The following ZNF835 variants were observed in gnomAD, a reference collection of about 807,000 sequenced individuals.
ZNF835 encodes zinc finger protein 835.
For synonymous variants in ZNF835, 323 were observed against 324.7 expected (o/e 0.99, Z 0.06); for missense variants, 783 against 758.4 (o/e 1.03, Z -0.38).
In ZNF835 at chr19:56,663,935, C is replaced by G; in HGVS notation, c.1264G>C (p.Glu422Gln). ...CCCTGGCTGAAAGCTTTGCCGCACT[C>G]GCCGCACTTGTAGGGCCGCTCTCCG... The part of the protein sequence containing the change: ...HTGERPYKCG[E>Q]CGKAFSQGSS... Residue 422 changes from glutamate to glutamine, a missense_variant, in exon 2 of 2, where the codon GAG (glutamate) becomes CAG (glutamine). Glu to Gln is a conservative substitution (Grantham distance 29). Coordinates refer to ENST00000537055, the MANE Select transcript of ZNF835 (RefSeq NM_001005850.3). 1.2e-6 allele frequency: 2 copies of G among 1,610,074 alleles called. No individual in the cohort carries two copies. Among genetic ancestry groups the G allele is most frequent in the South Asian group, 1.1e-5 (1 of 90,916 alleles).
At chr19:56,671,146 G>A (rs1013331828) in intron 1 of ZNF835, among the ~76,000 whole-genome samples, 3 of 151,298 alleles carry the variant, frequency 2.0e-5, no homozygotes, top group Non-Finnish European at 4.4e-5. Context: ...GGCTGGCACC[G>A]CCAAGTGAGC....
In ZNF835 at chr19:56,664,673, T is replaced by C; in HGVS notation, c.526A>G (p.Ser176Gly). The C allele has an allele frequency of 6.2e-7, 1 of 1,611,434 alleles. No homozygotes were observed. ...YACHECGKAF[S>G]QGSYLASHWR... ...TGGGACGCCAGGTACGAGCCCTGGCTGAAGGCCTTGCCGCACTCGTGGCAG... is the reference window on the plus strand; with the variant it reads ...TGGGACGCCAGGTACGAGCCCTGGCCGAAGGCCTTGCCGCACTCGTGGCAG... Residue 176 changes from serine to glycine, a missense_variant, in exon 2 of 2, where the codon AGC becomes GGC. By Grantham distance (56) the Ser-to-Gly change is moderately conservative. Coordinates refer to ENST00000537055, the MANE Select transcript of ZNF835 (RefSeq NM_001005850.3).
Position 56,665,244 on chromosome 19 carries a change from G to T in ZNF835, c.-46C>A. 6.2e-7 allele frequency: 1 copy of T among 1,602,802 alleles called. No individual in the cohort carries two copies. The highest frequency in any genetic ancestry group is 8.5e-7 in the Non-Finnish European group (1 of 1,176,098). ...TCTTGATCTCACATCTTTTCTCTGG[G>T]TCTGAAAAGAAAAAGATAGAAAAAA... On this transcript the variant is annotated splice_region_variant and 5_prime_UTR_variant, in exon 2 of 2. Transcript: ENST00000537055.
At position 56,665,004 on chromosome 19, in the gene ZNF835, C is replaced by T; in HGVS notation, c.195G>A (p.Ser65=). The change falls in exon 2 of 2, where the codon TCG becomes TCA. Residue 65 remains serine (S), a synonymous_variant. Coordinates refer to ENST00000537055, the MANE Select transcript of ZNF835 (RefSeq NM_001005850.3). ...CACTGGCTTGGGTAGCAGCAGGGCT[C>T]GATATGGTTCTTGGGATTCGGCTGA... ...DEFSRIPRTI[S]SPAATQASVP... The T allele has an allele frequency of 1.2e-6, 2 of 1,614,016 alleles. No individual in the cohort carries two copies. Among genetic ancestry groups the T allele is most frequent in the African/African-American group, 1.3e-5 (1 of 75,058 alleles).
chr19:56,664,406 G>A lies in ZNF835; in HGVS notation c.793C>T (p.Leu265Phe). ...CAKAFRFSSA[L>F]IRHQRIHTEE... is the part of the protein sequence containing the mutation. ...GTGTGGATGCGCTGGTGGCGGATGA[G>A]CGCTGAGGAGAAGCGGAAGGCCTTG... Residue 265 changes from leucine to phenylalanine, a missense_variant, in exon 2 of 2, where the codon CTC (leucine) becomes TTC (phenylalanine). Physicochemically the swap from Leu to Phe is conservative, Grantham distance 22. Coordinates refer to ENST00000537055, the MANE Select transcript of ZNF835 (RefSeq NM_001005850.3). 1 of 1,612,168 alleles carries A rather than the reference G, an allele frequency of 6.2e-7. No individual in the cohort carries two copies. Among genetic ancestry groups the A allele is most frequent in the Non-Finnish European group, 8.5e-7 (1 of 1,179,232 alleles).
chr19:56,670,295 A>T (rs1434084165), intron 1 of ZNF835, among the ~76,000 whole-genome samples: 1 of 152,106 alleles, frequency 6.6e-6, no homozygotes, highest in Admixed American at 6.5e-5. Context: ...GATTAAACAT[A>T]TATTTCTTAT....
chr19:56,665,089 G>A lies in ZNF835; in HGVS notation c.110C>T (p.Pro37Leu). ...LQENQESCPE[P>L]EAVACKGDPA... ...GTCTCCCTTGCAGGCCACGGCCTCTGGCTCTGGACAGCTTTCCTGGTTTTC... is the reference window on the plus strand; with the variant it reads ...GTCTCCCTTGCAGGCCACGGCCTCTAGCTCTGGACAGCTTTCCTGGTTTTC... The change falls in exon 2 of 2, where the codon CCA (proline) becomes CTA (leucine). Residue 37 changes from proline (P) to leucine (L), a missense_variant. By Grantham distance (98) the Pro-to-Leu change is moderately conservative. Coordinates refer to ENST00000537055, the MANE Select transcript of ZNF835 (RefSeq NM_001005850.3). 1.2e-6 allele frequency: 2 copies of A among 1,613,922 alleles called. No individual in the cohort carries two copies. The highest frequency in any genetic ancestry group is 1.6e-4 in the Middle Eastern group (1 of 6,062).
intron 1 of ZNF835, among the ~76,000 whole-genome samples, chr19:56,667,117 T>C (rs111306511): frequency 6.6e-6 from 1 of 152,322 alleles, no homozygotes; most frequent in South Asian, 2.1e-4. Flanking sequence ...TGTTTTTATA[T>C]GAGCCCAGGA....
In ZNF835 at chr19:56,664,410, TGAG is replaced by T; in HGVS notation, c.786_788del (p.Ser263del). 1 of 1,601,216 alleles carries T rather than the reference TGAG, an allele frequency of 6.2e-7. No homozygotes were observed. The highest frequency in any genetic ancestry group is 8.5e-7 in the Non-Finnish European group (1 of 1,175,746). ...GGATGCGCTGGTGGCGGATGAGCGC[TGAG>T]GAGAAGCGGAAGGCCTTGGCGCACG... On this transcript the variant is annotated inframe_deletion, in exon 2 of 2. Coordinates refer to ENST00000537055, the MANE Select transcript of ZNF835 (RefSeq NM_001005850.3).
In ZNF835 at chr19:56,671,756, A is replaced by C. The variant is rs895746879; in HGVS notation, c.-228T>G. Reference sequence around the variant, plus strand: ...GCTGCTGCGGAGGAGCCCGCGCACCAGGCCGGGGTGGACTGCGCCTGCGCA... The same window carrying C: ...GCTGCTGCGGAGGAGCCCGCGCACCCGGCCGGGGTGGACTGCGCCTGCGCA... On this transcript the variant is annotated 5_prime_UTR_variant, in exon 1 of 2. Transcript: ENST00000537055. The C allele has an allele frequency of 6.6e-6, 1 of 152,278 alleles. No homozygotes were observed. Among genetic ancestry groups the C allele is most frequent in the African/African-American group, 2.4e-5 (1 of 41,464 alleles). The allele number at this position is 152,278 out of a possible 1,614,324, so 9.4% of individuals were successfully genotyped here.
chr19:56,666,950 C>G (rs911714165), intron 1 of ZNF835, among the ~76,000 whole-genome samples: 1 of 152,200 alleles, frequency 6.6e-6, no homozygotes, highest in African/African-American at 2.4e-5. Context: ...ACTATGCTCC[C>G]CTTCTACAGG....
chr19:56,663,312 C>A lies in ZNF835; in HGVS notation c.*273G>T. 2.0e-6 allele frequency: 1 copy of A among 507,678 alleles called. No individual in the cohort carries two copies. 31.4% of individuals were successfully genotyped at this position (507,678 alleles called of 1,614,324 possible). On this transcript the variant is annotated 3_prime_UTR_variant, in exon 2 of 2. Coordinates refer to ENST00000537055, the MANE Select transcript of ZNF835 (RefSeq NM_001005850.3). The stretch of plus-strand genomic sequence containing the variant: ...CTAGCCTGGGTGACAGAGAGAGACA[C>A]TGTCTCAAAGAAAAAAAGAAAGAAA...
At chr19:56,671,204 C>T (rs951516670) in intron 1 of ZNF835, among the ~76,000 whole-genome samples, 39 of 151,600 alleles carry the variant, frequency 2.6e-4, no homozygotes, top group African/African-American at 8.9e-4. Flanking sequence ...GGCAGTCACA[C>T]ACCTGCACCT....
chr19:56,667,001 A>G (rs1458669167), intron 1 of ZNF835, among the ~76,000 whole-genome samples: 1 of 152,214 alleles, frequency 6.6e-6, no homozygotes, highest in African/African-American at 2.4e-5. Context: ...TCCCAGGCTC[A>G]GAGGTTCATG....
In ZNF835 at chr19:56,664,608, G is replaced by A; in HGVS notation, c.591C>T (p.Ala197=). The change falls in exon 2 of 2, where the codon GCC becomes GCT. Residue 197 remains alanine, a synonymous_variant. Transcript: ENST00000537055. The part of the protein sequence containing the change: ...THTGEKPHRC[A]DCGKAFTRVT... Reference sequence around the variant, plus strand: ...CGCGCGTGAAGGCCTTGCCGCAGTCGGCGCAGCGGTGCGGCTTCTCGCCCG... The same window carrying A: ...CGCGCGTGAAGGCCTTGCCGCAGTCAGCGCAGCGGTGCGGCTTCTCGCCCG... The A allele has an allele frequency of 6.2e-7, 1 of 1,604,890 alleles. No individual in the cohort carries two copies. Among genetic ancestry groups the A allele is most frequent in the Non-Finnish European group, 8.5e-7 (1 of 1,175,846 alleles).
chr19:56,664,423 A>C lies in ZNF835; in HGVS notation c.776T>G (p.Phe259Cys), dbSNP rs749196957. 4 of 1,612,428 alleles carry C rather than the reference A, an allele frequency of 2.5e-6. No individual in the cohort carries two copies. Among genetic ancestry groups the C allele is most frequent in the East Asian group, 2.2e-5 (1 of 44,822 alleles). ...PYECSACAKA[F>C]RFSSALIRHQ... ...GCGGATGAGCGCTGAGGAGAAGCGGAAGGCCTTGGCGCACGCGGAGCACTC... is the reference window on the plus strand; with the variant it reads ...GCGGATGAGCGCTGAGGAGAAGCGGCAGGCCTTGGCGCACGCGGAGCACTC... The change falls in exon 2 of 2, where the codon TTC becomes TGC. Residue 259 changes from phenylalanine to cysteine, a missense_variant. Coordinates refer to ENST00000537055, the MANE Select transcript of ZNF835 (RefSeq NM_001005850.3).
intron 1 of ZNF835, 134 bp from the exon 2 acceptor site, chr19:56,665,379 A>G (rs2045236903): frequency 3.4e-6 from 3 of 880,230 alleles, no homozygotes; most frequent in Non-Finnish European, 5.7e-6. Context: ...TTTGGGTCCA[A>G]TAATTTGGTG....
In ZNF835 at chr19:56,664,376, C is replaced by G. The variant is rs761562990; in HGVS notation, c.823G>C (p.Glu275Gln). Residue 275 changes from glutamate (E) to glutamine (Q), a missense_variant, in exon 2 of 2, where the codon GAG becomes CAG. By Grantham distance (29) the Glu-to-Gln change is conservative. Coordinates refer to ENST00000537055, the MANE Select transcript of ZNF835 (RefSeq NM_001005850.3). ...CACTGGCCGCAGCGGTAGGGCTTCT[C>G]CTCCGTGTGGATGCGCTGGTGGCGG... ...LIRHQRIHTE[E>Q]KPYRCGQCAK... 2 of 1,610,162 alleles carry G rather than the reference C, an allele frequency of 1.2e-6. No homozygotes were observed. The highest frequency in any genetic ancestry group is 2.2e-5 in the East Asian group (1 of 44,726).
In ZNF835 at chr19:56,663,632, G is replaced by A; in HGVS notation, c.1567C>T (p.Gln523Ter). Residue 523 changes from glutamine to a stop codon, truncating the protein, a stop_gained, in exon 2 of 2, where the codon CAA becomes TAA. Transcript: ENST00000537055. LOFTEE classifies it low-confidence loss of function (END_TRUNC). Reference protein sequence around the residue: ...PGLSQGGETCQQGCPGRNPRG... With the variant: ...PGLSQGGETC ...GGGTTTCTGCCAGGGCACCCCTGTT[G>A]ACAGGTTTCTCCTCCCTGTGAGAGC... 6.2e-7 allele frequency: 1 copy of A among 1,614,052 alleles called. No individual in the cohort carries two copies. Among genetic ancestry groups the A allele is most frequent in the Non-Finnish European group, 8.5e-7 (1 of 1,179,892 alleles).
Sources: allele counts gnomAD v4.1 joint callset (sites outside exome capture counted in the v4.1 genomes callset), GRCh38; gene constraint gnomAD v4.1.1; transcripts MANE v1.5; gene names NCBI Gene and HGNC (gene_info 2026-07-23, HGNC 2026-07-21).